Variants in GRIK2 observed in about 807,000 individuals in gnomAD.
The protein encoded by GRIK2 is glutamate ionotropic receptor kainate type subunit 2.
GRIK2 carries 32 observed loss-of-function variants against 100.3 expected under a neutral mutation model. The ratio of observed to expected loss-of-function variants is 0.32; its 90% CI spans 0.24 to 0.43. GRIK2 has a LOEUF of 0.43. Ranked by LOEUF, GRIK2 falls within the 20% of genes least tolerant of loss-of-function variation. GRIK2 has a pLI of 1.00. For synonymous variants in GRIK2, 417 were observed against 389.4 expected (o/e 1.07, Z -0.83); for missense variants, 843 against 1,114.9 (o/e 0.76, Z 3.47).
chr6:101,854,567 A>G (rs988466989), intron 10 of GRIK2, among the ~76,000 whole-genome samples: 2 of 152,146 alleles, frequency 1.3e-5, no homozygotes, highest in African/African-American at 4.8e-5. Context: ...GCCTAAGTCT[A>G]TCACTTAAAA....
chr6:102,031,124 CA>C (rs1562124629), intron 14 of GRIK2, among the ~76,000 whole-genome samples: 7 of 71,598 alleles, frequency 9.8e-5, no homozygotes, highest in South Asian at 3.9e-4. Flanking sequence ...CACACACACA[CA>C]CACCCCCTTT....
At chr6:101,843,137 A>T (rs1582360972) in intron 10 of GRIK2, among the ~76,000 whole-genome samples, 1 of 152,184 alleles carries the variant, frequency 6.6e-6, no homozygotes. Flanking sequence ...ATATTGAAGA[A>T]AAAAAATTCA....
intron 10 of GRIK2, among the ~76,000 whole-genome samples, chr6:101,824,048 G>A (rs2518269): frequency 8.8e-4 from 133 of 151,552 alleles, no homozygotes; most frequent in African/African-American, 3.2e-3. Context: ...TTGTATTTTT[G>A]TGGAGATGGT....
intron 7 of GRIK2, among the ~76,000 whole-genome samples, chr6:101,799,277 T>TTGTGTGTG (rs58920833): frequency 0.012 from 1,693 of 146,626 alleles, 13 homozygotes; most frequent in Middle Eastern, 0.024. Context: ...AATGTACTCA[T>TTGTGTGTG]TGTGTGTGTG....
intron 10 of GRIK2, among the ~76,000 whole-genome samples, chr6:101,832,246 T>G (rs1367235298): frequency 1.3e-5 from 2 of 152,114 alleles, no homozygotes; most frequent in Non-Finnish European, 2.9e-5. Flanking sequence ...CTTGATAAAT[T>G]TGAAACTCTT....
chr6:101,766,334 C>T (rs370886085), intron 7 of GRIK2, among the ~76,000 whole-genome samples: 23 of 152,060 alleles, frequency 1.5e-4, no homozygotes, highest in Middle Eastern at 3.4e-3. Context: ...ATCATGACCT[C>T]AATTTTTAAA....
chr6:102,009,731 G>A (rs991386986), intron 14 of GRIK2, among the ~76,000 whole-genome samples: 8 of 151,920 alleles, frequency 5.3e-5, no homozygotes, highest in African/African-American at 1.7e-4. Flanking sequence ...AAACTCTTAC[G>A]GTGTAAACTG....
At chr6:101,604,428 T>G (rs1362236063) in intron 2 of GRIK2, among the ~76,000 whole-genome samples, 1 of 151,844 alleles carries the variant, frequency 6.6e-6, no homozygotes, top group Non-Finnish European at 1.5e-5. Context: ...GGAGCCTAAT[T>G]TAATACACAT....
At chr6:101,428,702 A>G (rs1178418824) in intron 2 of GRIK2, among the ~76,000 whole-genome samples, 1 of 152,196 alleles carries the variant, frequency 6.6e-6, no homozygotes, top group African/African-American at 2.4e-5. Flanking sequence ...TGTAATGAGA[A>G]TCTATAAAAT....
intron 14 of GRIK2, among the ~76,000 whole-genome samples, chr6:101,961,022 G>A (rs939858409): frequency 3.9e-5 from 6 of 152,146 alleles, no homozygotes; most frequent in African/African-American, 1.2e-4. Flanking sequence ...ATAAGTTAAT[G>A]TATCCACCTT....
intron 4 of GRIK2, among the ~76,000 whole-genome samples, chr6:101,637,224 T>A (rs2128322866): frequency 6.6e-6 from 1 of 152,276 alleles, no homozygotes; most frequent in East Asian, 1.9e-4. Context: ...TGTACCTGTA[T>A]GCTGTAGACT....
intron 2 of GRIK2, among the ~76,000 whole-genome samples, chr6:101,457,474 T>G (rs2128251257): frequency 6.6e-6 from 1 of 152,282 alleles, no homozygotes; most frequent in South Asian, 2.1e-4. Flanking sequence ...CATCCGTATG[T>G]AATCTTTATT....
intron 4 of GRIK2, among the ~76,000 whole-genome samples, chr6:101,661,629 C>A (rs1191459925): frequency 5.9e-5 from 9 of 152,106 alleles, no homozygotes; most frequent in Non-Finnish European, 1.5e-5. Context: ...ATCTCCTGGT[C>A]TGGTGGTTGT....
intron 2 of GRIK2, among the ~76,000 whole-genome samples, chr6:101,593,391 ATAAT>A (rs1345735630): frequency 1.3e-5 from 2 of 151,854 alleles, no homozygotes; most frequent in Non-Finnish European, 2.9e-5. Flanking sequence ...CATAATAATA[ATAAT>A]TAAGATTTCT....
chr6:101,681,429 G>A (rs1198826227), intron 5 of GRIK2, among the ~76,000 whole-genome samples: 1 of 137,478 alleles, frequency 7.3e-6, no homozygotes, highest in Non-Finnish European at 1.5e-5. Context: ...TTTTTGTAGA[G>A]ATGGGGTCTT....
Position 101,676,784 on chromosome 6 carries a change from G to T in GRIK2, c.703G>T (p.Ala235Ser). 1 of 1,601,190 alleles carries T rather than the reference G, an allele frequency of 6.2e-7. No homozygotes were observed. The highest frequency in any genetic ancestry group is 8.5e-7 in the Non-Finnish European group (1 of 1,173,838). ...HVIFDCSHEMAAGILKQALAM... is the reference protein window; with the variant it reads ...HVIFDCSHEMSAGILKQALAM... ...AATCTTTGATTGTAGCCATGAAATG[G>T]CAGCAGGCATTTTAAAACAGGTAAC... Residue 235 changes from alanine (A) to serine (S), a missense_variant, in exon 5 of 17, where the codon GCA becomes TCA. This residue lies in a region of GRIK2 where 519 missense variants were observed against 643.8 expected (regional missense o/e 0.81). Transcript: ENST00000369134.
intron 7 of GRIK2, among the ~76,000 whole-genome samples, chr6:101,708,375 C>T (rs941417158): frequency 6.6e-6 from 1 of 151,562 alleles, no homozygotes; most frequent in East Asian, 1.9e-4. Flanking sequence ...TGTGATACTA[C>T]ATTATTATTT....
At chr6:101,795,438 G>T (rs1047042230) in intron 7 of GRIK2, among the ~76,000 whole-genome samples, 1 of 152,174 alleles carries the variant, frequency 6.6e-6, no homozygotes, top group Non-Finnish European at 1.5e-5. Context: ...GGCTAAGTGT[G>T]CCTGTCTTTA....
At chr6:101,678,188 G>C (rs760940352) in intron 5 of GRIK2, among the ~76,000 whole-genome samples, 4 of 152,052 alleles carry the variant, frequency 2.6e-5, no homozygotes, top group Non-Finnish European at 4.4e-5. Context: ...TAAATGATCA[G>C]CTGTCTTTTC....
Sources: allele counts gnomAD v4.1 joint callset (sites outside exome capture counted in the v4.1 genomes callset), GRCh38; gene constraint gnomAD v4.1.1; regional missense constraint gnomAD v4.1.1; transcripts MANE v1.5; gene names NCBI Gene and HGNC (gene_info 2026-07-23, HGNC 2026-07-21).